The following TAF7L variants were observed in gnomAD, a reference collection of about 807,000 sequenced individuals.
The protein encoded by TAF7L is TATA-box binding protein associated factor 7 like.
A neutral mutation model predicts 30.2 loss-of-function variants in TAF7L; 6 were observed. That is an observed-to-expected ratio of 0.20 (90% CI 0.11 to 0.39). TAF7L has a LOEUF of 0.39. TAF7L is among the 10% of genes least tolerant of loss of function. The pLI is 1.00. For missense variants in TAF7L, 284 were observed against 277.1 expected, an observed-to-expected ratio of 1.03 and a Z score of -0.18; for synonymous variants, 93 against 94.5, an observed-to-expected ratio of 0.98 and a Z score of 0.09.
chrX:101,281,480 G>GTATGAT (rs1221872284), intron 6 of TAF7L, among the ~76,000 whole-genome samples: 1 of 111,578 alleles, frequency 9.0e-6, no homozygotes, highest in Non-Finnish European at 1.9e-5. Flanking sequence ...AGTTTCAAAT[G>GTATGAT]TATGATTCTT....
At position 101,276,407 on chromosome X, in the gene TAF7L, C is replaced by T. The variant is rs1924179088; in HGVS notation, c.813G>A (p.Glu271=). 9.9e-6 allele frequency: 12 copies of T among 1,206,061 alleles called. No homozygotes were observed. The highest frequency in any genetic ancestry group is 1.8e-5 in the African/African-American group (1 of 56,385). The part of the protein sequence containing the change: ...EDEDEDEDKE[E]EEEDCSEEYL... ...ACTCTTCAGAACAATCTTCCTCCTCCTCTTCTTTGTCTTCATCTTCATCCT... is the reference window on the plus strand; with the variant it reads ...ACTCTTCAGAACAATCTTCCTCCTCTTCTTCTTTGTCTTCATCTTCATCCT... Residue 271 remains glutamate (E), a synonymous_variant, in exon 10 of 13, where the codon GAG becomes GAA. Transcript: ENST00000356784.
At chrX:101,270,905 C>T (rs1284816908) in intron 12 of TAF7L, among the ~76,000 whole-genome samples, 1 of 111,630 alleles carries the variant, frequency 9.0e-6, no homozygotes, top group East Asian at 2.8e-4. Flanking sequence ...GGCATCACCA[C>T]CTCTGAGCCA....
At chrX:101,291,014 C>G (rs1281641030) in intron 1 of TAF7L, among the ~76,000 whole-genome samples, 3 of 112,216 alleles carry the variant, frequency 2.7e-5, no homozygotes, top group African/African-American at 9.7e-5. Flanking sequence ...CCCCGGGGCA[C>G]TAAGCTTTCA....
chrX:101,288,071 G>C (rs1482157647), intron 1 of TAF7L, among the ~76,000 whole-genome samples: 3 of 111,031 alleles, frequency 2.7e-5, no homozygotes, highest in African/African-American at 9.8e-5. Context: ...TGGGAGACCA[G>C]GCAGTTTTTT....
At chrX:101,277,935 G>A in intron 8 of TAF7L, 114 bp downstream of exon 8, 4 of 665,666 alleles carry the variant, frequency 6.0e-6, no homozygotes, top group Non-Finnish European at 9.6e-6. Context: ...ACATTTCAAA[G>A]AATCTTAAGT....
At chrX:101,272,202 T>C (rs1002066789) in intron 12 of TAF7L, among the ~76,000 whole-genome samples, 1 of 111,861 alleles carries the variant, frequency 8.9e-6, no homozygotes, top group African/African-American at 3.2e-5. Flanking sequence ...CACTCTCTTG[T>C]GGCTTTGAAA....
At chrX:101,269,694 T>C (rs925184350) in intron 12 of TAF7L, among the ~76,000 whole-genome samples, 11 of 111,092 alleles carry the variant, frequency 9.9e-5, no homozygotes, top group Non-Finnish European at 1.5e-4. Context: ...TTATTCACTA[T>C]CACGAGAACA....
Position 101,283,697 on chromosome X carries a change from A to G in TAF7L, c.146-114T>C, listed in dbSNP as rs934305684. 43 of 766,157 alleles carry G rather than the reference A, an allele frequency of 5.6e-5. No homozygotes were observed. The African/African-American group carries it at 7.3e-4, about 13-fold the overall frequency. The allele number at this position is 766,157 out of a possible 1,213,427, so 63.1% of individuals were successfully genotyped here. On this transcript the variant is annotated intron_variant, in intron 3 of 12. Coordinates refer to ENST00000356784, the MANE Select transcript of TAF7L (RefSeq NM_001168474.2). The stretch of plus-strand genomic sequence containing the variant: ...GATTAGTCTTTCCAAGAAACCTACT[A>G]TCTCTCATAATGCTAGAATTGTGTA...
intron 1 of TAF7L, among the ~76,000 whole-genome samples, chrX:101,290,862 A>G (rs1924770948): frequency 9.0e-6 from 1 of 111,645 alleles, no homozygotes; most frequent in Non-Finnish European, 1.9e-5. Flanking sequence ...TCGCTTTAGC[A>G]GAATTACAAT....
intron 1 of TAF7L, among the ~76,000 whole-genome samples, chrX:101,288,718 A>G (rs1369160190): frequency 9.1e-6 from 1 of 110,273 alleles, no homozygotes; most frequent in Non-Finnish European, 1.9e-5. Context: ...TTTAAAATAT[A>G]TATATATACC....
At chrX:101,273,982 C>T (rs774154737) in intron 12 of TAF7L, among the ~76,000 whole-genome samples, 8 of 111,969 alleles carry the variant, frequency 7.1e-5, no homozygotes, top group Non-Finnish European at 9.4e-5. Flanking sequence ...AGCACTTCTT[C>T]ACAATTTGTA....
In TAF7L at chrX:101,291,326, G is replaced by C. The variant is rs1924792002; in HGVS notation, c.-105C>G. The C allele has an allele frequency of 1.6e-5, 12 of 751,339 alleles. No homozygotes were observed. Among genetic ancestry groups the C allele is most frequent in the Middle Eastern group, 7.5e-4 (1 of 1,335 alleles). 61.9% of individuals were successfully genotyped at this position (751,339 alleles called of 1,213,427 possible). ...CGCGTGGGCTCCCGCGCGGAACGTA[G>C]AGGCGAACGCTGGGCTGCCGGCGCC... On this transcript the variant is annotated 5_prime_UTR_variant, in exon 1 of 13. Transcript: ENST00000356784.
At chrX:101,291,968 T>C (rs1243884232), upstream of TAF7L, among the ~76,000 whole-genome samples, 2 of 109,048 alleles carry the variant, frequency 1.8e-5, no homozygotes, top group African/African-American at 6.7e-5. Context: ...CCGGGCGCGG[T>C]GGCTCACGCC....
At chrX:101,292,789 C>G, upstream of TAF7L, 1 of 1,206,424 alleles carries the variant, frequency 8.3e-7, no homozygotes, top group Non-Finnish European at 1.1e-6. Flanking sequence ...AAACCACCTA[C>G]CTTTCCCTTC....
chrX:101,270,565 T>G (rs1347595014), intron 12 of TAF7L, among the ~76,000 whole-genome samples: 1 of 111,567 alleles, frequency 9.0e-6, no homozygotes, highest in Non-Finnish European at 1.9e-5. Context: ...TTTCTGTGTA[T>G]GGGCCTCTCT....
intron 1 of TAF7L, among the ~76,000 whole-genome samples, chrX:101,289,988 G>A (rs1324300765): frequency 9.1e-6 from 1 of 109,404 alleles, no homozygotes; most frequent in Non-Finnish European, 1.9e-5. Flanking sequence ...GCTGAGGCAG[G>A]TGGATCACCT....
chrX:101,291,384 C>G (rs1283653425), upstream of TAF7L: 31 of 564,525 alleles, frequency 5.5e-5, no homozygotes, highest in Non-Finnish European at 6.0e-5. Flanking sequence ...CCGGCCCCTC[C>G]CCGCCTCGCC....
chrX:101,288,172 CG>C (rs761156401), intron 1 of TAF7L, among the ~76,000 whole-genome samples: 1 of 106,820 alleles, frequency 9.4e-6, no homozygotes, highest in Admixed American at 1.0e-4. Context: ...GACAGAGTCT[CG>C]CTCTGTCGCC....
chrX:101,278,291 C>T (rs1369509185), intron 7 of TAF7L, among the ~76,000 whole-genome samples, 170 bp from the exon 8 acceptor site: 2 of 112,189 alleles, frequency 1.8e-5, no homozygotes, highest in Non-Finnish European at 3.8e-5. Flanking sequence ...GAATCTTTAG[C>T]CAGGGTCTAG....
Sources: gnomAD v4.1 joint callset for allele counts (sites outside exome capture counted in the v4.1 genomes callset) on GRCh38, gnomAD v4.1.1 for gene constraint, MANE v1.5 for transcripts, NCBI Gene and HGNC (gene_info 2026-07-23, HGNC 2026-07-21) for gene names.